Variants in CAP2 observed in about 807,000 individuals in gnomAD.
CAP2 encodes cyclase associated actin cytoskeleton regulatory protein 2, also known as adenylyl cyclase-associated protein 2.
CAP2 carries 24 observed loss-of-function variants against 57.7 expected under a neutral mutation model. The ratio of observed to expected loss-of-function variants is 0.42; its 90% CI spans 0.30 to 0.58. The LOEUF (loss-of-function observed/expected upper bound fraction) is 0.58, where lower values mean the gene tolerates loss of function less well. Ranked by LOEUF, CAP2 falls within the 20% of genes least tolerant of loss-of-function variation. The pLI, the probability that CAP2 is intolerant of heterozygous loss-of-function variation, is 0.22. For missense variants in CAP2, 501 were observed against 590.3 expected (o/e 0.85, Z 1.57); for synonymous variants, 194 against 207.2 (o/e 0.94, Z 0.55).
intron 3 of CAP2, among the ~76,000 whole-genome samples, chr6:17,445,396 C>T (rs1325678650): frequency 2.0e-5 from 3 of 152,214 alleles, no homozygotes; most frequent in Non-Finnish European, 1.5e-5. Context: ...CGTGAGCCAC[C>T]ACGCCTGGCC....
chr6:17,484,238 G>T (rs1490941384), intron 4 of CAP2, among the ~76,000 whole-genome samples: 1 of 152,014 alleles, frequency 6.6e-6, no homozygotes, highest in Non-Finnish European at 1.5e-5. Flanking sequence ...GATGTTGTGG[G>T]CAGAGAAAGA....
In CAP2 at chr6:17,490,622, G is replaced by A. The variant is rs573704051; in HGVS notation, c.301-16547G>A. The stretch of plus-strand genomic sequence containing the variant: ...TGCCATGGCAACAGCACGCCTTTGC[G>A]GGCAGAGGTCCTGCCCATGAGTTTT... On this transcript the variant is annotated intron_variant, in intron 4 of 12. Transcript: ENST00000229922. Among the ~76,000 whole-genome samples the A allele has an allele frequency of 3.3e-5, 5 of 152,336 alleles. No homozygotes were observed. In the East Asian group the frequency reaches 5.8e-4, roughly 18 times the overall value.
intron 3 of CAP2, among the ~76,000 whole-genome samples, chr6:17,448,838 T>G (rs1431691142): frequency 6.6e-6 from 1 of 152,126 alleles, no homozygotes; most frequent in Non-Finnish European, 1.5e-5. Context: ...CTCAGCTCAC[T>G]GCAACCTCCG....
intron 3 of CAP2, among the ~76,000 whole-genome samples, chr6:17,440,150 T>C (rs9350046): frequency 0.65 from 98,550 of 151,378 alleles, 34,044 homozygotes; most frequent in African/African-American, 0.87. Context: ...CTCTCCAAAA[T>C]CAGGATATGT....
chr6:17,419,634 C>G (rs1021925202), intron 1 of CAP2, among the ~76,000 whole-genome samples: 1 of 151,888 alleles, frequency 6.6e-6, no homozygotes, highest in Non-Finnish European at 1.5e-5. Flanking sequence ...CCTATGCACA[C>G]TCATTTAATT....
chr6:17,450,189 C>T (rs1354407477), intron 3 of CAP2, among the ~76,000 whole-genome samples: 1 of 151,844 alleles, frequency 6.6e-6, no homozygotes, highest in Non-Finnish European at 1.5e-5. Context: ...GTAGCTGGGA[C>T]TACAGGCGCC....
intron 1 of CAP2, among the ~76,000 whole-genome samples, chr6:17,403,237 G>T (rs1309784536): frequency 6.6e-6 from 1 of 152,202 alleles, no homozygotes; most frequent in East Asian, 1.9e-4. Context: ...GGCTAGCTGG[G>T]ACTACAGGCG....
At chr6:17,418,783 T>G (rs1380085349) in intron 1 of CAP2, among the ~76,000 whole-genome samples, 2 of 152,136 alleles carry the variant, frequency 1.3e-5, no homozygotes, top group Non-Finnish European at 2.9e-5. Flanking sequence ...TTGAGGGGCT[T>G]TCATCATTTC....
Position 17,545,329 on chromosome 6 carries a change from G to C in CAP2, c.1209+2186G>C, listed in dbSNP as rs564720632. 2.1e-3 allele frequency among the ~76,000 whole-genome samples: 326 copies of C among 152,102 alleles called. 1 individual carries two copies. Among genetic ancestry groups the C allele is most frequent in the Middle Eastern group, 3.4e-3 (1 of 294 alleles). ...TGGTGAAACCATATATAAGCAGTTA[G>C]CATTTTTTTTAATGTAAATACATCA... On this transcript the variant is annotated intron_variant, in intron 11 of 12. Transcript: ENST00000229922.
At chr6:17,471,997 G>A (rs60976514) in intron 4 of CAP2, among the ~76,000 whole-genome samples, 5,483 of 152,164 alleles carry the variant, frequency 0.036, 314 homozygotes, top group African/African-American at 0.12. Flanking sequence ...AAATTACCTC[G>A]ATAGTCTCAC....
chr6:17,448,706 A>T (rs917943195), intron 3 of CAP2, among the ~76,000 whole-genome samples: 14 of 151,710 alleles, frequency 9.2e-5, no homozygotes, highest in Non-Finnish European at 1.3e-4. Context: ...TAACCTGCTT[A>T]TTTAACTTAG....
intron 11 of CAP2, among the ~76,000 whole-genome samples, chr6:17,549,008 A>G (rs1306120715): frequency 2.0e-5 from 3 of 152,218 alleles, no homozygotes; most frequent in Non-Finnish European, 4.4e-5. Flanking sequence ...ACAAACCATA[A>G]AGAAAGTACT....
Position 17,407,808 on chromosome 6 carries a change from G to A in CAP2, c.-1-13747G>A, listed in dbSNP as rs369589499. 2.0e-4 allele frequency among the ~76,000 whole-genome samples: 29 copies of A among 145,052 alleles called. No homozygotes were observed. The Middle Eastern group carries it at 0.011, about 54-fold the overall frequency. The stretch of plus-strand genomic sequence containing the variant: ...AAAAAAAAAAAAAAAAAAAATCAAA[G>A]TCAAGTGTGAAAGTAGACCCAGGAA... On this transcript the variant is annotated intron_variant, in intron 1 of 12. Coordinates refer to ENST00000229922, the MANE Select transcript of CAP2 (RefSeq NM_006366.3).
intron 1 of CAP2, among the ~76,000 whole-genome samples, chr6:17,418,936 G>C (rs1759358098): frequency 6.6e-6 from 1 of 152,222 alleles, no homozygotes; most frequent in East Asian, 1.9e-4. Context: ...GAAAAGAATA[G>C]ATGAGAAATT....
At chr6:17,539,610 C>A (rs1029074197) in intron 8 of CAP2, 152 bp downstream of exon 8, 8 of 643,828 alleles carry the variant, frequency 1.2e-5, no homozygotes, top group South Asian at 9.9e-5. Context: ...AAGACAGGAG[C>A]CTGCCATGTT....
intron 1 of CAP2, among the ~76,000 whole-genome samples, chr6:17,414,319 C>T (rs986384475): frequency 6.6e-6 from 1 of 151,584 alleles, no homozygotes; most frequent in African/African-American, 2.4e-5. Flanking sequence ...GATACATGTG[C>T]AGAACATGCA....
chr6:17,433,208 G>A (rs1759788479), intron 3 of CAP2, among the ~76,000 whole-genome samples: 1 of 152,124 alleles, frequency 6.6e-6, no homozygotes. Context: ...AGCCATGCCA[G>A]GGAAAACACC....
intron 3 of CAP2, among the ~76,000 whole-genome samples, chr6:17,433,064 GGT>G (rs1406682734): frequency 6.6e-6 from 1 of 151,294 alleles, no homozygotes; most frequent in Admixed American, 6.6e-5. Flanking sequence ...TGATGTGCGT[GGT>G]GTGTTAAAGA....
At chr6:17,406,434 C>T (rs1342537927) in intron 1 of CAP2, among the ~76,000 whole-genome samples, 2 of 112,218 alleles carry the variant, frequency 1.8e-5, no homozygotes, top group Non-Finnish European at 3.3e-5. Flanking sequence ...CACTCTGTCG[C>T]CCAGGCTGGA....
Sources: allele counts gnomAD v4.1 joint callset (sites outside exome capture counted in the v4.1 genomes callset), GRCh38; gene constraint gnomAD v4.1.1; transcripts MANE v1.5; gene names NCBI Gene and HGNC (gene_info 2026-07-23, HGNC 2026-07-21).